CADPS2: variants seen among roughly 807,000 people sequenced by gnomAD.
CADPS2 encodes the protein calcium-dependent secretion activator 2.
Under a neutral mutation model 172.5 loss-of-function variants are expected in CADPS2, and 93 were observed. The ratio of observed to expected loss-of-function variants is 0.54; its 90% confidence interval spans 0.46 to 0.64. The LOEUF (loss-of-function observed/expected upper bound fraction) is 0.64, where lower values mean the gene tolerates loss of function less well. CADPS2 is among the 30% of genes least tolerant of loss of function. The pLI, the probability that CADPS2 is intolerant of heterozygous loss-of-function variation, is 0.00. For missense variants in CADPS2, 1,420 were observed against 1,565.9 expected (o/e 0.91, Z 1.57); for synonymous variants, 546 against 555.2 (o/e 0.98, Z 0.23).
intron 1 of CADPS2, among the ~76,000 whole-genome samples, chr7:122,789,010 A>C (rs10487749): frequency 0.22 from 32,696 of 151,972 alleles, 3,765 homozygotes; most frequent in Middle Eastern, 0.31. Context: ...GCAGTACTTG[A>C]CCTCTGTAAC....
At chr7:122,511,560 C>T (rs559082027) in intron 9 of CADPS2, among the ~76,000 whole-genome samples, 50 of 152,250 alleles carry the variant, frequency 3.3e-4, no homozygotes, top group African/African-American at 1.1e-3. Context: ...TACATTCCCA[C>T]GTTCTTTCAT....
At position 122,319,418 on chromosome 7, in the gene CADPS2, T is replaced by C. The variant is rs1304323309; in HGVS notation, c.*747A>G. 6.6e-6 allele frequency: 1 copy of C among 152,320 alleles called. No individual in the cohort carries two copies. The highest frequency in any genetic ancestry group is 1.9e-4 in the East Asian group (1 of 5,172). 9.4% of individuals were successfully genotyped at this position (152,320 alleles called of 1,614,324 possible). On this transcript the variant is annotated 3_prime_UTR_variant, in exon 30 of 30. Coordinates refer to ENST00000449022, the MANE Select transcript of CADPS2 (RefSeq NM_017954.11). Reference sequence around the variant, plus strand: ...GTAGTTATGAGCAAATAGATTTTTATTGCCTGCAAGCTGTTATACTGGAGC... The same window carrying C: ...GTAGTTATGAGCAAATAGATTTTTACTGCCTGCAAGCTGTTATACTGGAGC...
chr7:122,460,124 T>G (rs2054276985), intron 14 of CADPS2, among the ~76,000 whole-genome samples: 1 of 152,030 alleles, frequency 6.6e-6, no homozygotes, highest in South Asian at 2.1e-4. Context: ...TCATGTGACT[T>G]CTGCTTGCAG....
intron 3 of CADPS2, among the ~76,000 whole-genome samples, chr7:122,645,439 A>G (rs1176652757): frequency 1.0e-5 from 1 of 100,304 alleles, no homozygotes; most frequent in Non-Finnish European, 2.2e-5. Flanking sequence ...ATATATGTAT[A>G]TATACACACA....
At chr7:122,423,436 TA>T (rs1440557510) in intron 17 of CADPS2, among the ~76,000 whole-genome samples, 1 of 152,158 alleles carries the variant, frequency 6.6e-6, no homozygotes, top group Non-Finnish European at 1.5e-5. Flanking sequence ...TACAACTTTG[TA>T]AGAAGACTGC....
At chr7:122,591,040 C>T (rs1437577018) in intron 6 of CADPS2, among the ~76,000 whole-genome samples, 1 of 151,892 alleles carries the variant, frequency 6.6e-6, no homozygotes, top group Non-Finnish European at 1.5e-5. Context: ...TCTGAAATTC[C>T]AAATTGTCCC....
chr7:122,870,189 C>G (rs1375479371), intron 1 of CADPS2, among the ~76,000 whole-genome samples: 1 of 151,798 alleles, frequency 6.6e-6, no homozygotes. Context: ...ATGCAACTAC[C>G]CAACTATATG....
At chr7:122,834,431 A>C (rs1807597749) in intron 1 of CADPS2, among the ~76,000 whole-genome samples, 1 of 152,144 alleles carries the variant, frequency 6.6e-6, no homozygotes, top group African/African-American at 2.4e-5. Flanking sequence ...TGTGTCAAAC[A>C]GTGGGTGCAG....
chr7:122,696,343 AAAG>A (rs1412083322), intron 2 of CADPS2, among the ~76,000 whole-genome samples: 2 of 152,188 alleles, frequency 1.3e-5, no homozygotes, highest in Non-Finnish European at 2.9e-5. Flanking sequence ...CAGTTCTTTC[AAAG>A]AAGAGCTCTT....
chr7:122,534,050 C>T (rs1010653411), intron 8 of CADPS2, among the ~76,000 whole-genome samples: 7 of 152,092 alleles, frequency 4.6e-5, no homozygotes, highest in Admixed American at 1.3e-4. Context: ...ACATTCAACT[C>T]CTTTATTATC....
intron 2 of CADPS2, among the ~76,000 whole-genome samples, chr7:122,694,724 A>G (rs1041821357): frequency 2.6e-5 from 4 of 152,258 alleles, no homozygotes; most frequent in African/African-American, 9.6e-5. Flanking sequence ...GTATTAATTT[A>G]TAATCTTTAT....
intron 3 of CADPS2, among the ~76,000 whole-genome samples, chr7:122,657,011 T>C (rs1275869871): frequency 6.6e-6 from 1 of 152,192 alleles, no homozygotes; most frequent in African/African-American, 2.4e-5. Context: ...GGATCCAGTT[T>C]CAGCTTTCTA....
intron 3 of CADPS2, among the ~76,000 whole-genome samples, chr7:122,648,557 A>G (rs1404640656): frequency 6.6e-6 from 1 of 152,062 alleles, no homozygotes; most frequent in Non-Finnish European, 1.5e-5. Flanking sequence ...TAGAACGGGC[A>G]CTGTGTTAAA....
At chr7:122,850,138 T>C (rs771085061) in intron 1 of CADPS2, 2 of 1,224,238 alleles carry the variant, frequency 1.6e-6, no homozygotes, top group Non-Finnish European at 2.2e-6. Flanking sequence ...TTTTAGCAAC[T>C]GCTGAACAGG....
intron 24 of CADPS2, among the ~76,000 whole-genome samples, chr7:122,383,900 GC>G (rs1247542751): frequency 1.3e-5 from 2 of 152,104 alleles, no homozygotes; most frequent in Non-Finnish European, 2.9e-5. Context: ...CCCAAGTAGG[GC>G]CCCTTGCTCC....
chr7:122,539,396 T>G (rs140832381), intron 8 of CADPS2, among the ~76,000 whole-genome samples: 2 of 152,234 alleles, frequency 1.3e-5, no homozygotes, highest in African/African-American at 4.8e-5. Flanking sequence ...CTAAATAAAT[T>G]TCTGTTCATT....
At chr7:122,770,009 T>G (rs994809975) in intron 1 of CADPS2, among the ~76,000 whole-genome samples, 1 of 152,162 alleles carries the variant, frequency 6.6e-6, no homozygotes, top group Non-Finnish European at 1.5e-5. Context: ...CAACCACCCA[T>G]AAGATAGGAA....
At chr7:122,402,418 C>G (rs189903231) in intron 20 of CADPS2, among the ~76,000 whole-genome samples, 35 of 152,322 alleles carry the variant, frequency 2.3e-4, no homozygotes, top group African/African-American at 7.9e-4. Flanking sequence ...CGCCCGAGTT[C>G]CTGCCTCTAG....
At chr7:122,779,078 T>C (rs898786746) in intron 1 of CADPS2, among the ~76,000 whole-genome samples, 2 of 152,202 alleles carry the variant, frequency 1.3e-5, no homozygotes, top group Non-Finnish European at 2.9e-5. Context: ...CCACGTAAGA[T>C]GTACCTTCGC....
Sources: allele counts gnomAD v4.1 joint callset (sites outside exome capture counted in the v4.1 genomes callset), GRCh38; gene constraint gnomAD v4.1.1; transcripts MANE v1.5; gene names NCBI Gene and HGNC (gene_info 2026-07-23, HGNC 2026-07-21).